The following TRIO variants were observed in gnomAD, a reference collection of about 807,000 sequenced individuals.
TRIO encodes triple functional domain protein.
TRIO carries 58 observed loss-of-function variants against 351.9 expected under a neutral mutation model. The observed-to-expected ratio is 0.16, with a 90% confidence interval of 0.13 to 0.21. The LOEUF is 0.21. Ranked by LOEUF, TRIO falls within the 10% of genes least tolerant of loss-of-function variation. The probability of loss-of-function intolerance (pLI) is 1.00; values close to 1 mark genes in which losing one functional copy is unlikely to be tolerated. For missense variants in TRIO, 3,201 were observed against 4,027.8 expected (o/e 0.79, Z 5.56); for synonymous variants, 1,758 against 1,595.7 (o/e 1.10, Z -2.42).
intron 1 of TRIO, among the ~76,000 whole-genome samples, chr5:14,147,022 T>A (rs1216529258): frequency 6.6e-6 from 1 of 152,202 alleles, no homozygotes; most frequent in African/African-American, 2.4e-5. Flanking sequence ...TGTAATAATG[T>A]GAGTCAAGTC....
intron 16 of TRIO, among the ~76,000 whole-genome samples, chr5:14,367,424 T>C (rs1186235577): frequency 6.6e-6 from 1 of 152,072 alleles, no homozygotes; most frequent in Non-Finnish European, 1.5e-5. Context: ...CAAGACCAGG[T>C]GTATATCATG....
At chr5:14,346,919 A>G (rs960116116) in intron 11 of TRIO, among the ~76,000 whole-genome samples, 2 of 152,260 alleles carry the variant, frequency 1.3e-5, no homozygotes, top group Non-Finnish European at 2.9e-5. Flanking sequence ...ATAGTAAGAC[A>G]GTCCTCATAC....
At chr5:14,442,675 A>G (rs914277174) in intron 34 of TRIO, among the ~76,000 whole-genome samples, 2 of 152,196 alleles carry the variant, frequency 1.3e-5, no homozygotes, top group African/African-American at 4.8e-5. Context: ...CAAGCTGGGT[A>G]GGTCCCTCGG....
At chr5:14,282,280 T>C (rs1236415598) in intron 3 of TRIO, among the ~76,000 whole-genome samples, 1 of 152,212 alleles carries the variant, frequency 6.6e-6, no homozygotes, top group Non-Finnish European at 1.5e-5. Context: ...CTTACTAAGC[T>C]TTGACTATGT....
At chr5:14,489,023 C>T (rs1423960619) in intron 48 of TRIO, 1 of 765,308 alleles carries the variant, frequency 1.3e-6, no homozygotes, top group South Asian at 1.3e-5. Context: ...CCACCTGTTT[C>T]CTACAGGGCA....
At chr5:14,468,696 T>G (rs769931424) in intron 37 of TRIO, among the ~76,000 whole-genome samples, 1 of 152,260 alleles carries the variant, frequency 6.6e-6, no homozygotes, top group Non-Finnish European at 1.5e-5. Context: ...CATCCACATG[T>G]GTTTTCTTGT....
intron 33 of TRIO, among the ~76,000 whole-genome samples, chr5:14,412,989 C>T (rs548248239): frequency 6.7e-6 from 1 of 148,400 alleles, no homozygotes; most frequent in Non-Finnish European, 1.5e-5. Flanking sequence ...ATATTTAGAT[C>T]AGTGACTAGC....
At chr5:14,438,968 C>G (rs1751813216) in intron 34 of TRIO, among the ~76,000 whole-genome samples, 1 of 152,184 alleles carries the variant, frequency 6.6e-6, no homozygotes, top group African/African-American at 2.4e-5. Flanking sequence ...TCCTCACTCC[C>G]TCATCTGTGC....
chr5:14,364,954 T>C (rs1744467596), intron 15 of TRIO, 138 bp downstream of exon 15: 2 of 1,153,488 alleles, frequency 1.7e-6, no homozygotes, highest in Non-Finnish European at 1.2e-6. Context: ...TGTAAGATAA[T>C]GCGCACATAC....
intron 8 of TRIO, among the ~76,000 whole-genome samples, chr5:14,315,236 C>T (rs1049544846): frequency 6.6e-6 from 1 of 151,618 alleles, no homozygotes; most frequent in African/African-American, 2.4e-5. Flanking sequence ...TAAAAGTGCC[C>T]CTGAACTTGC....
chr5:14,342,412 A>T, intron 11 of TRIO, among the ~76,000 whole-genome samples: 1 of 152,336 alleles, frequency 6.6e-6, no homozygotes, highest in Admixed American at 6.5e-5. Context: ...CACAGTGCTC[A>T]TTGTGTAGAC....
At position 14,387,554 on chromosome 5, in the gene TRIO, A is replaced by C. The variant is rs751652253; in HGVS notation, c.3687A>C (p.Arg1229Ser). Residue 1229 changes from arginine (R) to serine (S), a missense_variant, in exon 22 of 57, where the codon AGA (arginine) becomes AGC (serine). Physicochemically the swap from Arg to Ser is moderately radical, Grantham distance 110. This residue lies in a region of TRIO where 201 missense variants were observed against 266.5 expected (regional missense o/e 0.75). Transcript: ENST00000344204. ...KCVTAVDKRY[R>S]DFSLRMEKYR... Reference sequence around the variant, plus strand: ...TTACTGCTGTGGATAAGAGGTACAGAGATTTCTCTCTGCGGATGGAGAAGT... The same window carrying C: ...TTACTGCTGTGGATAAGAGGTACAGCGATTTCTCTCTGCGGATGGAGAAGT... The C allele has an allele frequency of 1.2e-6, 2 of 1,614,142 alleles. No individual in the cohort carries two copies. The highest frequency in any genetic ancestry group is 3.3e-5 in the Admixed American group (2 of 60,018).
At chr5:14,255,524 G>A (rs558149699) in intron 1 of TRIO, among the ~76,000 whole-genome samples, 2 of 152,276 alleles carry the variant, frequency 1.3e-5, no homozygotes, top group Non-Finnish European at 2.9e-5. Flanking sequence ...GGCAAGTCAC[G>A]GGAGAACGCA....
chr5:14,419,327 G>C (rs1326316271), intron 33 of TRIO, among the ~76,000 whole-genome samples: 1 of 152,146 alleles, frequency 6.6e-6, no homozygotes, highest in East Asian at 1.9e-4. Flanking sequence ...ATAGCCCATT[G>C]CCTGTTCAGT....
intron 2 of TRIO, among the ~76,000 whole-genome samples, chr5:14,275,866 G>GTGTGTGTGTA (rs144655462): frequency 6.9e-6 from 1 of 143,942 alleles, no homozygotes; most frequent in East Asian, 2.0e-4. Flanking sequence ...CTCTATGTGT[G>GTGTGTGTGTA]TATATATATA....
At chr5:14,288,725 A>G (rs1363270390) in intron 4 of TRIO, among the ~76,000 whole-genome samples, 3 of 151,354 alleles carry the variant, frequency 2.0e-5, no homozygotes, top group South Asian at 2.1e-4. Context: ...GATTGTAGGC[A>G]TAAGTGCTGG....
rs1176273530 is a variant in TRIO at position 14,462,935 on chromosome 5, G to A, written c.5667+10G>A. The A allele has an allele frequency of 2.7e-5, 42 of 1,573,112 alleles. No individual in the cohort carries two copies. Among genetic ancestry groups the A allele is most frequent in the Middle Eastern group, 1.8e-4 (1 of 5,658 alleles). ...CTCACAGGATGACAAGGTAAAGGGG[G>A]ATGAGGGCTGGGGAATCCATGCCTG... On this transcript the variant is annotated intron_variant, in intron 36 of 56. Coordinates refer to ENST00000344204, the MANE Select transcript of TRIO (RefSeq NM_007118.4).
intron 34 of TRIO, among the ~76,000 whole-genome samples, chr5:14,445,048 T>G (rs955193276): frequency 1.3e-5 from 2 of 152,192 alleles, no homozygotes; most frequent in African/African-American, 4.8e-5. Context: ...AGTATATCTC[T>G]TCACTAGATT....
Position 14,481,227 on chromosome 5 carries a change from C to T in TRIO, c.6337-7C>T, listed in dbSNP as rs1334917467. 6.2e-7 allele frequency: 1 copy of T among 1,613,418 alleles called. No individual in the cohort carries two copies. Among genetic ancestry groups the T allele is most frequent in the Non-Finnish European group, 8.5e-7 (1 of 1,179,708 alleles). On this transcript the variant is annotated splice_polypyrimidine_tract_variant and splice_region_variant and intron_variant, in intron 43 of 56. Coordinates refer to ENST00000344204, the MANE Select transcript of TRIO (RefSeq NM_007118.4). ...CCATTATCATGTCCTCTCCATTTCC[C>T]TTGCAGGACTTCCTCAAGTATTCCA...
Sources: gnomAD v4.1 joint callset for allele counts (sites outside exome capture counted in the v4.1 genomes callset) on GRCh38, gnomAD v4.1.1 for gene constraint, gnomAD v4.1.1 regional missense constraint, MANE v1.5 for transcripts, NCBI Gene and HGNC (gene_info 2026-07-23, HGNC 2026-07-21) for gene names.